PFKP: variants seen among roughly 807,000 people sequenced by gnomAD.
PFKP encodes the protein phosphofructokinase, platelet.
Under a neutral mutation model 94.3 loss-of-function variants are expected in PFKP, and 101 were observed. The ratio of observed to expected loss-of-function variants is 1.07; its 90% CI spans 0.91 to 1.26. PFKP has a LOEUF of 1.26. Ranked by LOEUF, PFKP falls within the 50% of genes most tolerant of loss-of-function variation. PFKP has a pLI of 0.00. For missense variants in PFKP, 1,145 were observed against 1,103.3 expected, an observed-to-expected ratio of 1.04 and a Z score of -0.53; for synonymous variants, 573 against 432.6, an observed-to-expected ratio of 1.32 and a Z score of -4.03.
chr10:3,106,227 G>A (rs1835540685), intron 7 of PFKP, among the ~76,000 whole-genome samples: 1 of 149,472 alleles, frequency 6.7e-6, no homozygotes, highest in Non-Finnish European at 1.5e-5. Context: ...TGCACGGGGC[G>A]CCTGTGGGGC....
Position 3,109,413 on chromosome 10 carries a change from C to T in PFKP, c.1022C>T (p.Pro341Leu), listed in dbSNP as rs779582041. ...IALLEATPDT[P>L]ACVVSLNGNH... ...TTGCTAGAGGCCACCCCGGACACCC[C>T]AGCTTGCGTCGTGTCACTGAACGGG... The change falls in exon 10 of 22, where the codon CCA becomes CTA. Residue 341 changes from proline (P) to leucine (L), a missense_variant. By Grantham distance (98) the Pro-to-Leu change is moderately conservative. Transcript: ENST00000381125. The T allele has an allele frequency of 6.2e-6, 10 of 1,610,166 alleles. No individual in the cohort carries two copies. The Middle Eastern group carries it at 4.9e-4, about 80-fold the overall frequency.
At chr10:3,087,022 G>C (rs1286279131) in intron 2 of PFKP, among the ~76,000 whole-genome samples, 4 of 151,752 alleles carry the variant, frequency 2.6e-5, no homozygotes, top group Non-Finnish European at 4.4e-5. Flanking sequence ...GCCCAGGCTG[G>C]AGTGCAGTGG....
Position 3,080,819 on chromosome 10 carries a change from G to A in PFKP, c.113-1569G>A, listed in dbSNP as rs558584908. 6.6e-5 allele frequency among the ~76,000 whole-genome samples: 10 copies of A among 152,296 alleles called. No individual in the cohort carries two copies. The South Asian group carries it at 1.9e-3, about 28-fold the overall frequency. On this transcript the variant is annotated intron_variant, in intron 1 of 21. Transcript: ENST00000381125. ...TCATGTCAGAGGGAGTCAGGGAGTC[G>A]GGGGTAATGTTGGGAGCAGGTGTTG...
chr10:3,073,933 G>A (rs918093793), intron 1 of PFKP, among the ~76,000 whole-genome samples: 4 of 152,152 alleles, frequency 2.6e-5, no homozygotes, highest in Non-Finnish European at 1.5e-5. Context: ...CGCCTCCTGA[G>A]TTCAAGCGAT....
intron 2 of PFKP, among the ~76,000 whole-genome samples, chr10:3,087,359 G>T (rs981041853): frequency 1.3e-5 from 2 of 152,144 alleles, no homozygotes; most frequent in Admixed American, 1.3e-4. Context: ...CTCCATGGCC[G>T]CAGGTGCTGT....
chr10:3,136,531 C>CGT lies in PFKP; in HGVS notation c.2310_2311dup (p.Ser771CysfsTer82), dbSNP rs1795133018. On this transcript the variant is annotated frameshift_variant, in exon 22 of 22. Transcript: ENST00000381125. LOFTEE classifies it low-confidence loss of function (END_TRUNC). ...TGGCCAAGTACAAGGCCAGCTATGA[C>CGT]GTGTCGGACTCAGGCCAGCTGGAAC... is the stretch of plus-strand genomic sequence containing the variant. 1 of 1,613,450 alleles carries CGT rather than the reference C, an allele frequency of 6.2e-7. No homozygotes were observed. Among genetic ancestry groups the CGT allele is most frequent in the Non-Finnish European group, 8.5e-7 (1 of 1,179,748 alleles).
At chr10:3,093,507 C>A (rs872398) in intron 2 of PFKP, among the ~76,000 whole-genome samples, 5 of 151,992 alleles carry the variant, frequency 3.3e-5, no homozygotes, top group African/African-American at 1.2e-4. Flanking sequence ...GCGTGCTCAC[C>A]GAGCTGGCTG....
chr10:3,076,232 A>G (rs1480648773), intron 1 of PFKP, among the ~76,000 whole-genome samples: 1 of 152,162 alleles, frequency 6.6e-6, no homozygotes, highest in African/African-American at 2.4e-5. Flanking sequence ...TCTGAGGGAC[A>G]GTGTGGTCAC....
rs58925942 is a variant in PFKP, at chr10:3,102,845, G to A, written c.455-934G>A. On this transcript the variant is annotated intron_variant, in intron 4 of 21. Transcript: ENST00000381125. The stretch of plus-strand genomic sequence containing the variant: ...TTTGTGAACATCCTCGTAGGGGATG[G>A]AGAAGGCTGCCCGTTGGAAGCAGCC... Among the ~76,000 whole-genome samples, 711 of 152,360 alleles carry A rather than the reference G, an allele frequency of 4.7e-3. 5 individuals carry two copies. The highest frequency in any genetic ancestry group is 0.016 in the African/African-American group (680 of 41,598).
intron 16 of PFKP, among the ~76,000 whole-genome samples, chr10:3,126,854 G>A (rs1409885081): frequency 6.6e-6 from 1 of 152,260 alleles, no homozygotes; most frequent in Non-Finnish European, 1.5e-5. Flanking sequence ...TCGCCTCTGC[G>A]TCCTTGCAGG....
At chr10:3,104,051 C>T in intron 5 of PFKP, 107 bp downstream of exon 5, 4 of 998,986 alleles carry the variant, frequency 4.0e-6, no homozygotes, top group Non-Finnish European at 5.8e-6. Flanking sequence ...TGTCCTGGTG[C>T]TGGTCTCGTA....
chr10:3,100,828 A>G (rs2131535874), intron 3 of PFKP: 1 of 675,832 alleles, frequency 1.5e-6, no homozygotes, highest in Non-Finnish European at 2.6e-6. Flanking sequence ...TCCTGAAGAT[A>G]TAGCTCTTTA....
intron 2 of PFKP, among the ~76,000 whole-genome samples, chr10:3,096,111 C>T (rs1225995737): frequency 6.6e-6 from 1 of 152,150 alleles, no homozygotes; most frequent in Non-Finnish European, 1.5e-5. Flanking sequence ...TGATTAAATC[C>T]GTATTTAAAT....
At chr10:3,135,483 G>A (rs1163238280) in intron 20 of PFKP, among the ~76,000 whole-genome samples, 1 of 152,192 alleles carries the variant, frequency 6.6e-6, no homozygotes, top group African/African-American at 2.4e-5. Flanking sequence ...ACTATTTAGT[G>A]AAAAATTCTC....
intron 16 of PFKP, among the ~76,000 whole-genome samples, chr10:3,120,664 CT>C (rs1409729480): frequency 1.3e-5 from 2 of 151,992 alleles, no homozygotes; most frequent in Non-Finnish European, 2.9e-5. Context: ...ATATATTCTT[CT>C]TTTTTTCTTT....
chr10:3,107,878 T>C lies in PFKP; in HGVS notation c.870+569T>C, dbSNP rs115234978. Reference sequence around the variant, plus strand: ...GAGAGGACTCTGATACCATGGGCTGTGCCCCTGCTGTAGACGGGGCTGCAG... The same window carrying C: ...GAGAGGACTCTGATACCATGGGCTGCGCCCCTGCTGTAGACGGGGCTGCAG... On this transcript the variant is annotated intron_variant, in intron 8 of 21. Coordinates refer to ENST00000381125, the MANE Select transcript of PFKP (RefSeq NM_002627.5). 1,863 of 1,288,986 alleles carry C rather than the reference T, an allele frequency of 1.4e-3. 15 individuals carry two copies. The African/African-American group carries it at 0.025, about 18-fold the overall frequency. 79.8% of individuals were successfully genotyped at this position (1,288,986 alleles called of 1,614,324 possible). A position where few individuals can be genotyped will look rare whatever the true frequency, so the allele number is the denominator to read the frequency against.
intron 2 of PFKP, among the ~76,000 whole-genome samples, chr10:3,096,554 C>G (rs935624187): frequency 6.6e-6 from 1 of 152,018 alleles, no homozygotes; most frequent in Non-Finnish European, 1.5e-5. Context: ...CATCTTTTCT[C>G]TCCTCCTGAG....
At position 3,074,495 on chromosome 10, in the gene PFKP, G is replaced by A. The variant is rs79943585; in HGVS notation, c.112+6788G>A. The stretch of plus-strand genomic sequence containing the variant: ...GGTGGCTTTGTGGAGAGGAGAGGAG[G>A]GGAGGGGAGGCCACAAGTTTAGGGT... On this transcript the variant is annotated intron_variant, in intron 1 of 21. Transcript: ENST00000381125. Among the ~76,000 whole-genome samples, 1,126 of 152,266 alleles carry A rather than the reference G, an allele frequency of 7.4e-3. 13 individuals are homozygous for A. The highest frequency in any genetic ancestry group is 0.026 in the African/African-American group (1,094 of 41,544).
chr10:3,083,650 T>G (rs1480542035), intron 2 of PFKP, among the ~76,000 whole-genome samples: 1 of 150,738 alleles, frequency 6.6e-6, no homozygotes, highest in Non-Finnish European at 1.5e-5. Flanking sequence ...TTATTTTATT[T>G]TATTTTTTTT....
Sources: allele counts gnomAD v4.1 joint callset (sites outside exome capture counted in the v4.1 genomes callset), GRCh38; gene constraint gnomAD v4.1.1; transcripts MANE v1.5; gene names NCBI Gene and HGNC (gene_info 2026-07-23, HGNC 2026-07-21).